The following RBFOX3 variants were observed in gnomAD, a reference collection of about 807,000 sequenced individuals.
The protein encoded by RBFOX3 is RNA binding protein fox-1 homolog 3.
In RBFOX3, 17 loss-of-function variants were observed where a neutral mutation model predicts 48.7. The ratio of observed to expected loss-of-function variants is 0.35; its 90% CI spans 0.24 to 0.52. The LOEUF (loss-of-function observed/expected upper bound fraction) is 0.52, where lower values mean the gene tolerates loss of function less well. Among genes scored for constraint, RBFOX3 ranks in the 20% least tolerant of loss-of-function variants. The pLI, the probability that RBFOX3 is intolerant of heterozygous loss-of-function variation, is 0.94. For missense variants in RBFOX3, 382 were observed against 497.5 expected (o/e 0.77, Z 2.21); for synonymous variants, 212 against 209.5 (o/e 1.01, Z -0.10).
At chr17:79,325,251 T>A (rs12600588) in intron 2 of RBFOX3, among the ~76,000 whole-genome samples, 74,469 of 152,066 alleles carry the variant, frequency 0.49, 18,500 homozygotes, top group Middle Eastern at 0.56. Flanking sequence ...GGCTCATCCC[T>A]GGAGATTCCA....
chr17:79,534,174 G>C (rs1414750415), intron 1 of RBFOX3, among the ~76,000 whole-genome samples: 1 of 152,154 alleles, frequency 6.6e-6, no homozygotes, highest in Non-Finnish European at 1.5e-5. Context: ...TCTCTCTTTA[G>C]TCCAAATTCT....
the RBFOX3 span, among the ~76,000 whole-genome samples, chr17:79,654,087 G>A: frequency 4.4e-3 from 665 of 152,062 alleles, 9 homozygotes; most frequent in African/African-American, 0.016. Context: ...TTGCTAAAAG[G>A]ATAAACAAGG....
intron 2 of RBFOX3, among the ~76,000 whole-genome samples, chr17:79,316,617 C>A (rs145415735): frequency 2.0e-5 from 3 of 152,358 alleles, no homozygotes; most frequent in African/African-American, 7.2e-5. Context: ...AGCCCCTCCC[C>A]ACAAGGCCAC....
chr17:79,628,183 G>A, the RBFOX3 span, among the ~76,000 whole-genome samples: 5 of 151,862 alleles, frequency 3.3e-5, no homozygotes, highest in East Asian at 1.9e-4. Context: ...TGACCAGGCC[G>A]GAGCCCTGGT....
intron 14 of RBFOX3, among the ~76,000 whole-genome samples, chr17:79,093,394 G>A (rs1220051515): frequency 2.6e-5 from 4 of 152,026 alleles, no homozygotes; most frequent in South Asian, 2.1e-4. Flanking sequence ...GGAACCCTCC[G>A]TGCGTTAATG....
chr17:79,607,382 C>T (rs1194955495), intron 1 of RBFOX3, among the ~76,000 whole-genome samples: 2 of 152,160 alleles, frequency 1.3e-5, no homozygotes, highest in African/African-American at 4.8e-5. Flanking sequence ...CCGACCAAAA[C>T]TTGCAGGCTC....
At chr17:79,232,465 C>T (rs1190522323) in intron 4 of RBFOX3, among the ~76,000 whole-genome samples, 1 of 152,138 alleles carries the variant, frequency 6.6e-6, no homozygotes, top group African/African-American at 2.4e-5. Context: ...AATATCAAAC[C>T]CAGACATAGA....
At chr17:79,529,207 A>T (rs2087297538) in intron 1 of RBFOX3, among the ~76,000 whole-genome samples, 6 of 152,188 alleles carry the variant, frequency 3.9e-5, no homozygotes, top group Admixed American at 3.9e-4. Flanking sequence ...AGTTATCGCA[A>T]AACAAAAGCC....
At chr17:79,529,296 G>A (rs1181412392) in intron 1 of RBFOX3, among the ~76,000 whole-genome samples, 8 of 152,062 alleles carry the variant, frequency 5.3e-5, no homozygotes, top group Admixed American at 6.5e-5. Context: ...TCCCCCCACC[G>A]CATCACCCAT....
At chr17:79,125,164 G>T (rs2036855295) in intron 4 of RBFOX3, among the ~76,000 whole-genome samples, 1 of 152,180 alleles carries the variant, frequency 6.6e-6, no homozygotes, top group African/African-American at 2.4e-5. Context: ...GACGGTGTGG[G>T]GCGAGGGCTT....
intron 2 of RBFOX3, among the ~76,000 whole-genome samples, chr17:79,322,925 T>C (rs1052035582): frequency 2.0e-5 from 3 of 152,192 alleles, no homozygotes; most frequent in Admixed American, 1.3e-4. Flanking sequence ...GACAAGCGTA[T>C]TGGATTGCTG....
Position 79,377,965 on chromosome 17 carries a change from T to C in RBFOX3, c.-174-70141A>G, listed in dbSNP as rs142499122. Among the ~76,000 whole-genome samples, 45 of 152,244 alleles carry C rather than the reference T, an allele frequency of 3.0e-4. 1 individual carries two copies. In the East Asian group the frequency reaches 6.2e-3, roughly 21 times the overall value. On this transcript the variant is annotated intron_variant, in intron 2 of 14. Coordinates refer to ENST00000693108, the MANE Select transcript of RBFOX3 (RefSeq NM_001350451.2). ...TTTATTTTAAAAACAGAATAAACTT[T>C]TAGGTTAGGGAAAGTGTCTTAATAT...
At chr17:79,440,814 A>C (rs2070745747) in intron 2 of RBFOX3, among the ~76,000 whole-genome samples, 3 of 147,788 alleles carry the variant, frequency 2.0e-5, no homozygotes, top group Non-Finnish European at 1.5e-5. Context: ...CAGCATCCAC[A>C]CCCCTGCTCC....
chr17:79,217,024 G>T (rs1464123580), intron 4 of RBFOX3, among the ~76,000 whole-genome samples: 1 of 152,164 alleles, frequency 6.6e-6, no homozygotes, highest in East Asian at 1.9e-4. Context: ...AAAGCAGGCA[G>T]GGGGCCCCCC....
intron 4 of RBFOX3, among the ~76,000 whole-genome samples, chr17:79,149,164 T>C (rs1234292883): frequency 6.6e-6 from 1 of 152,082 alleles, no homozygotes; most frequent in Non-Finnish European, 1.5e-5. Context: ...GCCAGGAAAA[T>C]GCGACGTCTG....
At position 79,254,388 on chromosome 17, in the gene RBFOX3, C is replaced by A. The variant is rs1362840622; in HGVS notation, c.-73-18583G>T. 6.6e-6 allele frequency among the ~76,000 whole-genome samples: 1 copy of A among 151,808 alleles called. No individual in the cohort carries two copies. Among genetic ancestry groups the A allele is most frequent in the African/African-American group, 2.4e-5 (1 of 41,302 alleles). ...AGACCCTCAGCCCTAGCTCCACATA[C>A]CCCCAAACCTGCCCCCCAATCCAGG... On this transcript the variant is annotated intron_variant, in intron 3 of 14. Transcript: ENST00000693108. The surrounding 1 kb of genome is among the most constrained non-coding windows in gnomAD (Gnocchi z 4.8).
At chr17:79,568,004 T>G (rs2092532114) in intron 1 of RBFOX3, among the ~76,000 whole-genome samples, 1 of 152,226 alleles carries the variant, frequency 6.6e-6, no homozygotes, top group East Asian at 1.9e-4. Context: ...CCTTCTAGGA[T>G]GCTCCCAGAA....
chr17:79,273,692 C>T (rs2068177694), intron 3 of RBFOX3, among the ~76,000 whole-genome samples: 1 of 152,184 alleles, frequency 6.6e-6, no homozygotes, highest in Admixed American at 6.5e-5. Flanking sequence ...AGCTCAGCCC[C>T]ATTGGCAGTG....
At chr17:79,629,903 T>G in the RBFOX3 span, among the ~76,000 whole-genome samples, 1 of 152,176 alleles carries the variant, frequency 6.6e-6, no homozygotes, top group South Asian at 2.1e-4. Flanking sequence ...CCCATTATAC[T>G]CCCCAGGCCT....
Sources: gnomAD v4.1 joint callset for allele counts (sites outside exome capture counted in the v4.1 genomes callset) on GRCh38, gnomAD v4.1.1 for gene constraint, Gnocchi (gnomAD v3.1) non-coding constraint, MANE v1.5 for transcripts, NCBI Gene and HGNC (gene_info 2026-07-23, HGNC 2026-07-21) for gene names.